Variants in PARD3 observed in about 807,000 individuals in gnomAD.
PARD3 encodes the protein partitioning defective 3 homolog.
A neutral mutation model predicts 155.4 loss-of-function variants in PARD3; 75 were observed. The observed-to-expected ratio is 0.48, with a 90% CI of 0.40 to 0.58. The LOEUF is 0.58. PARD3 is among the 20% of genes least tolerant of loss of function. The pLI is 0.00. For missense variants in PARD3, 1,642 were observed against 1,721.7 expected, an observed-to-expected ratio of 0.95 and a Z score of 0.82; for synonymous variants, 576 against 610.5, an observed-to-expected ratio of 0.94 and a Z score of 0.83.
chr10:34,127,754 T>C (rs1947363643), intron 23 of PARD3, among the ~76,000 whole-genome samples: 1 of 152,182 alleles, frequency 6.6e-6, no homozygotes, highest in Non-Finnish European at 1.5e-5. Flanking sequence ...GTTAACTATT[T>C]CCATATTCAG....
chr10:34,490,801 T>A (rs1408988285), intron 3 of PARD3, among the ~76,000 whole-genome samples: 1 of 152,104 alleles, frequency 6.6e-6, no homozygotes, highest in Non-Finnish European at 1.5e-5. Context: ...ACTCTTTGAG[T>A]TATATATGTG....
At chr10:34,725,402 G>A (rs1487006899) in intron 1 of PARD3, among the ~76,000 whole-genome samples, 1 of 152,096 alleles carries the variant, frequency 6.6e-6, no homozygotes, top group Non-Finnish European at 1.5e-5. Context: ...TGATCCACCT[G>A]TCTCGGCCTC....
chr10:34,419,732 T>C (rs1564692712), intron 5 of PARD3, among the ~76,000 whole-genome samples: 1 of 152,228 alleles, frequency 6.6e-6, no homozygotes, highest in Admixed American at 6.5e-5. Flanking sequence ...CCTACATTTC[T>C]ATTCCAACTC....
At chr10:34,277,195 C>T (rs190620805) in intron 21 of PARD3, among the ~76,000 whole-genome samples, 2 of 152,192 alleles carry the variant, frequency 1.3e-5, no homozygotes, top group Admixed American at 1.3e-4. Flanking sequence ...AAATTCATGG[C>T]GAAATGAAAT....
intron 1 of PARD3, among the ~76,000 whole-genome samples, chr10:34,771,151 A>G (rs2134093218): frequency 6.6e-6 from 1 of 152,364 alleles, no homozygotes; most frequent in African/African-American, 2.4e-5. Flanking sequence ...CACAAAAAGT[A>G]AATTCATAAT....
chr10:34,386,770 C>A (rs192065724), intron 7 of PARD3, among the ~76,000 whole-genome samples: 1 of 148,574 alleles, frequency 6.7e-6, no homozygotes. Flanking sequence ...TGCGGTGAGC[C>A]GAGATCGCGC....
At chr10:34,115,335 G>C (rs1011999877) in intron 24 of PARD3, among the ~76,000 whole-genome samples, 2 of 151,864 alleles carry the variant, frequency 1.3e-5, no homozygotes, top group African/African-American at 4.8e-5. Context: ...GAAAATGAAG[G>C]GAAACACCAA....
At chr10:34,344,054 A>T in intron 15 of PARD3, 1 of 939,230 alleles carries the variant, frequency 1.1e-6, no homozygotes. Flanking sequence ...AACTCACCAC[A>T]TATATATGAA....
intron 18 of PARD3, among the ~76,000 whole-genome samples, chr10:34,335,466 C>T (rs1455944835): frequency 6.6e-6 from 1 of 151,958 alleles, no homozygotes; most frequent in African/African-American, 2.4e-5. Flanking sequence ...ATACAAAGCA[C>T]GTTAACTACA....
intron 2 of PARD3, among the ~76,000 whole-genome samples, chr10:34,576,569 A>G (rs543586478): frequency 1.2e-4 from 18 of 152,296 alleles, no homozygotes; most frequent in East Asian, 1.9e-4. Context: ...AGGTAAGCAG[A>G]TAACAGCTGG....
At chr10:34,621,119 G>C (rs895249980) in intron 2 of PARD3, among the ~76,000 whole-genome samples, 1 of 152,198 alleles carries the variant, frequency 6.6e-6, no homozygotes, top group African/African-American at 2.4e-5. Context: ...GGTTTGCGCA[G>C]AAAAAGATTT....
intron 2 of PARD3, among the ~76,000 whole-genome samples, chr10:34,537,934 C>T (rs1244882630): frequency 1.3e-5 from 2 of 152,198 alleles, no homozygotes; most frequent in Non-Finnish European, 2.9e-5. Context: ...ATTGCTGCCA[C>T]CTAAAAACTG....
chr10:34,410,809 T>C (rs906008714), intron 5 of PARD3, among the ~76,000 whole-genome samples: 7 of 152,140 alleles, frequency 4.6e-5, no homozygotes, highest in Admixed American at 2.6e-4. Flanking sequence ...AGACAGTGTC[T>C]CCCTCCAGGG....
intron 3 of PARD3, 123 bp downstream of exon 3, chr10:34,516,856 C>T (rs1589847063): frequency 1.1e-6 from 1 of 949,072 alleles, no homozygotes; most frequent in Non-Finnish European, 1.6e-6. Flanking sequence ...TGCCTGGGTC[C>T]TAAACTTAAT....
intron 7 of PARD3, among the ~76,000 whole-genome samples, chr10:34,391,392 A>G (rs985300863): frequency 6.6e-6 from 1 of 151,568 alleles, no homozygotes; most frequent in Non-Finnish European, 1.5e-5. Context: ...GAGCGAAGGG[A>G]GAAGGTTTTT....
At chr10:34,416,569 C>T (rs370051330) in intron 5 of PARD3, among the ~76,000 whole-genome samples, 2 of 152,190 alleles carry the variant, frequency 1.3e-5, no homozygotes, top group Non-Finnish European at 2.9e-5. Context: ...TTTGCACCTA[C>T]AGCATCTAGC....
intron 2 of PARD3, among the ~76,000 whole-genome samples, chr10:34,688,818 T>C (rs2093996915): frequency 1.3e-5 from 2 of 152,196 alleles, no homozygotes; most frequent in African/African-American, 4.8e-5. Context: ...AATTTTCTTT[T>C]GCTATCATTT....
At chr10:34,519,342 T>C (rs969445894) in intron 2 of PARD3, among the ~76,000 whole-genome samples, 3 of 152,214 alleles carry the variant, frequency 2.0e-5, no homozygotes, top group African/African-American at 4.8e-5. Context: ...TAGGGATAGA[T>C]GAAGTGTATA....
chr10:34,582,513 G>A (rs976815456), intron 2 of PARD3, among the ~76,000 whole-genome samples: 1 of 152,164 alleles, frequency 6.6e-6, no homozygotes, highest in Non-Finnish European at 1.5e-5. Context: ...TTCAGGTATC[G>A]CTTTTATTGG....
Sources: gnomAD v4.1 joint callset for allele counts (sites outside exome capture counted in the v4.1 genomes callset) on GRCh38, gnomAD v4.1.1 for gene constraint, MANE v1.5 for transcripts, NCBI Gene and HGNC (gene_info 2026-07-23, HGNC 2026-07-21) for gene names.